Variants in SUGCT observed in about 807,000 individuals in gnomAD.
SUGCT encodes the protein succinyl-CoA:glutarate CoA-transferase.
A neutral mutation model predicts 55.0 loss-of-function variants in SUGCT; 41 were observed. The ratio of observed to expected loss-of-function variants is 0.74; its 90% CI spans 0.58 to 0.97. SUGCT has a LOEUF of 0.97. Among genes scored for constraint, SUGCT ranks in the 50% least tolerant of loss-of-function variants. The pLI, the probability that SUGCT is intolerant of heterozygous loss-of-function variation, is 0.00. For synonymous variants in SUGCT, 187 were observed against 200.4 expected (o/e 0.93, Z 0.56); for missense variants, 568 against 547.8 (o/e 1.04, Z -0.37).
At chr7:40,993,774 G>A in the SUGCT span, among the ~76,000 whole-genome samples, 1 of 152,150 alleles carries the variant, frequency 6.6e-6, no homozygotes, top group Non-Finnish European at 1.5e-5. Flanking sequence ...AAAATGACCT[G>A]TTCAGTTACT....
the SUGCT span, among the ~76,000 whole-genome samples, chr7:40,996,312 C>T: frequency 1.3e-5 from 2 of 152,138 alleles, no homozygotes; most frequent in African/African-American, 4.8e-5. Flanking sequence ...AGAGAAGGGA[C>T]CCCGCCAGTC....
At chr7:40,369,467 A>G (rs1051393624) in intron 9 of SUGCT, among the ~76,000 whole-genome samples, 3 of 152,228 alleles carry the variant, frequency 2.0e-5, no homozygotes, top group Admixed American at 6.5e-5. Context: ...TCCCACACCC[A>G]TGATTGCAGG....
At chr7:40,487,334 T>G (rs1187492563) in intron 11 of SUGCT, among the ~76,000 whole-genome samples, 2 of 144,146 alleles carry the variant, frequency 1.4e-5, no homozygotes, top group East Asian at 4.4e-4. Context: ...CTCGAACTCC[T>G]GACCACATGA....
At chr7:40,710,851 A>G (rs1010006457) in intron 12 of SUGCT, among the ~76,000 whole-genome samples, 2 of 152,170 alleles carry the variant, frequency 1.3e-5, no homozygotes, top group Non-Finnish European at 2.9e-5. Context: ...TTATTTGAAA[A>G]GATGCCATCT....
At chr7:40,264,174 G>A (rs1208874755) in intron 7 of SUGCT, among the ~76,000 whole-genome samples, 1 of 152,040 alleles carries the variant, frequency 6.6e-6, no homozygotes, top group African/African-American at 2.4e-5. Flanking sequence ...TTTCCTGCTT[G>A]TTTACCTTTA....
chr7:40,309,903 A>C (rs1484636896), intron 8 of SUGCT, among the ~76,000 whole-genome samples: 3 of 152,164 alleles, frequency 2.0e-5, no homozygotes, highest in African/African-American at 7.2e-5. Flanking sequence ...AAAAAAAAAA[A>C]AAAACACATG....
the SUGCT span, among the ~76,000 whole-genome samples, chr7:41,013,678 T>C: frequency 6.6e-6 from 1 of 152,256 alleles, no homozygotes; most frequent in Middle Eastern, 3.4e-3. Flanking sequence ...GGAGGGCAAA[T>C]ATTGTGACAC....
intron 12 of SUGCT, among the ~76,000 whole-genome samples, chr7:40,707,127 C>T (rs978042038): frequency 2.0e-5 from 3 of 152,022 alleles, no homozygotes; most frequent in Admixed American, 1.3e-4. Flanking sequence ...AATAGTGACT[C>T]AGATTACATG....
the SUGCT span, among the ~76,000 whole-genome samples, chr7:40,925,021 T>C: frequency 6.0e-4 from 90 of 149,956 alleles, 1 homozygote; most frequent in Middle Eastern, 0.01. Flanking sequence ...GTACCACATG[T>C]AAGTTTCTCC....
At chr7:40,854,608 C>G (rs1794074371) in intron 13 of SUGCT, among the ~76,000 whole-genome samples, 6 of 151,906 alleles carry the variant, frequency 3.9e-5, no homozygotes, top group Admixed American at 3.3e-4. Context: ...TTTGATTAAT[C>G]ATTTAACTGG....
intron 13 of SUGCT, among the ~76,000 whole-genome samples, chr7:40,773,883 G>T (rs926860973): frequency 6.6e-6 from 1 of 152,140 alleles, no homozygotes; most frequent in African/African-American, 2.4e-5. Flanking sequence ...TCCCAGAGGG[G>T]TGCTCACTTC....
chr7:40,492,539 T>C (rs1791745390), intron 11 of SUGCT, among the ~76,000 whole-genome samples: 1 of 152,172 alleles, frequency 6.6e-6, no homozygotes, highest in South Asian at 2.1e-4. Context: ...AGCAGACAAG[T>C]TGCTTTGCAT....
chr7:40,357,947 G>A lies in SUGCT; in HGVS notation c.816+41092G>A, dbSNP rs147819938. On this transcript the variant is annotated intron_variant, in intron 9 of 13. Coordinates refer to ENST00000335693, the MANE Select transcript of SUGCT (RefSeq NM_001193313.2). ...GTTGAGAATCATTGATCTATGATGA[G>A]TAGAATGTCAAAGACACCAAAAAAT... Among the ~76,000 whole-genome samples, 1,173 of 152,262 alleles carry A rather than the reference G, an allele frequency of 7.7e-3. 14 individuals are homozygous for A. Among genetic ancestry groups the A allele is most frequent in the African/African-American group, 0.027 (1,113 of 41,550 alleles).
chr7:40,224,502 A>G lies in SUGCT; in HGVS notation c.485-13133A>G, dbSNP rs147734481. Among the ~76,000 whole-genome samples, 83 of 152,072 alleles carry G rather than the reference A, an allele frequency of 5.5e-4. 1 individual carries two copies. In the East Asian group the frequency reaches 0.013, roughly 24 times the overall value. On this transcript the variant is annotated intron_variant, in intron 6 of 13. Coordinates refer to ENST00000335693, the MANE Select transcript of SUGCT (RefSeq NM_001193313.2). ...GTCACTTTTAGCAAGATGCATTGAC[A>G]TGGTCATCAGAGCCTTTGAAATTGT...
At chr7:40,223,307 C>T (rs62456125) in intron 6 of SUGCT, among the ~76,000 whole-genome samples, 572 of 152,224 alleles carry the variant, frequency 3.8e-3, no homozygotes, top group Non-Finnish European at 5.4e-3. Context: ...GTGATCCACC[C>T]GCCTTGGCCT....
Position 40,410,862 on chromosome 7 carries a change from T to C in SUGCT, c.817-38425T>C, listed in dbSNP as rs142895310. 8.9e-4 allele frequency among the ~76,000 whole-genome samples: 135 copies of C among 152,316 alleles called. 1 individual carries two copies. The Middle Eastern group carries it at 0.014, about 15-fold the overall frequency. Reference sequence around the variant, plus strand: ...AAGTGATCTAGGCCAGTCTGACTTTTAAGTCTTTTTTAAGGACTATGTCTT... The same window carrying C: ...AAGTGATCTAGGCCAGTCTGACTTTCAAGTCTTTTTTAAGGACTATGTCTT... On this transcript the variant is annotated intron_variant, in intron 9 of 13. Transcript: ENST00000335693.
At chr7:40,741,148 C>T (rs1287651429) in intron 12 of SUGCT, among the ~76,000 whole-genome samples, 1 of 151,638 alleles carries the variant, frequency 6.6e-6, no homozygotes, top group Non-Finnish European at 1.5e-5. Context: ...TGTGGTGGCA[C>T]AGGCCTGTAA....
At chr7:40,617,820 A>G (rs146046946) in intron 12 of SUGCT, among the ~76,000 whole-genome samples, 1 of 152,300 alleles carries the variant, frequency 6.6e-6, no homozygotes, top group African/African-American at 2.4e-5. Context: ...TAAAAAAGCT[A>G]AAGAGATTGT....
At chr7:40,296,166 G>T (rs1019174266) in intron 8 of SUGCT, among the ~76,000 whole-genome samples, 2 of 152,174 alleles carry the variant, frequency 1.3e-5, no homozygotes, top group Non-Finnish European at 2.9e-5. Flanking sequence ...AAATAGTGGA[G>T]AATTTAAATG....
Sources: gnomAD v4.1 joint callset for allele counts (sites outside exome capture counted in the v4.1 genomes callset) on GRCh38, gnomAD v4.1.1 for gene constraint, MANE v1.5 for transcripts, NCBI Gene and HGNC (gene_info 2026-07-23, HGNC 2026-07-21) for gene names.